Variants in ARID5A observed in about 807,000 individuals in gnomAD.
The protein encoded by ARID5A is AT-rich interactive domain-containing protein 5A.
A neutral mutation model predicts 30.5 loss-of-function variants in ARID5A; 14 were observed. That is an observed-to-expected ratio of 0.46 (90% CI 0.30 to 0.72). The LOEUF is 0.72. Among genes scored for constraint, ARID5A ranks in the 30% least tolerant of loss-of-function variants. The probability of loss-of-function intolerance (pLI) is 0.07; values close to 1 mark genes in which losing one functional copy is unlikely to be tolerated. For synonymous variants in ARID5A, 338 were observed against 340.4 expected (o/e 0.99, Z 0.08); for missense variants, 669 against 786.2 (o/e 0.85, Z 1.78).
Position 96,536,779 on chromosome 2 carries a change from C to T in ARID5A, c.-48C>T, listed in dbSNP as rs1573175437. 1.1e-5 allele frequency: 14 copies of T among 1,226,416 alleles called. No individual in the cohort carries two copies. The East Asian group carries it at 3.2e-4, about 28-fold the overall frequency. The allele number at this position is 1,226,416 out of a possible 1,614,324, so 76.0% of individuals were successfully genotyped here. A position where few individuals can be genotyped will look rare whatever the true frequency, so the allele number is the denominator to read the frequency against. On this transcript the variant is annotated 5_prime_UTR_variant, in exon 1 of 7. Transcript: ENST00000357485. Reference sequence around the variant, plus strand: ...CTCAGAGAGCGCGGGGTCCGGACAGCCGCGCGCTGAGGGTCTCGGGGCGGG... The same window carrying T: ...CTCAGAGAGCGCGGGGTCCGGACAGTCGCGCGCTGAGGGTCTCGGGGCGGG...
chr2:96,546,233 T>C (rs1321930352), intron 1 of ARID5A, among the ~76,000 whole-genome samples: 1 of 152,348 alleles, frequency 6.6e-6, no homozygotes, highest in Non-Finnish European at 1.5e-5. Flanking sequence ...GGAAATCTCA[T>C]AGGTTCCTAA....
chr2:96,545,197 C>T (rs1315298497), intron 1 of ARID5A, among the ~76,000 whole-genome samples: 1 of 145,324 alleles, frequency 6.9e-6, no homozygotes, highest in African/African-American at 2.6e-5. Flanking sequence ...TGTTCCATCG[C>T]CCAGACTGGA....
At chr2:96,541,303 TTTTG>T (rs762409946) in intron 1 of ARID5A, among the ~76,000 whole-genome samples, 138 of 152,220 alleles carry the variant, frequency 9.1e-4, no homozygotes, top group Non-Finnish European at 1.1e-3. Context: ...CCCAAAGTGT[TTTTG>T]TTTTTGTTTT....
chr2:96,549,990 C>T lies in ARID5A; in HGVS notation c.312+185C>T, dbSNP rs1356171502. 3 of 1,534,702 alleles carry T rather than the reference C, an allele frequency of 2.0e-6. No homozygotes were observed. Among genetic ancestry groups the T allele is most frequent in the Non-Finnish European group, 2.6e-6 (3 of 1,145,848 alleles). On this transcript the variant is annotated intron_variant, in intron 4 of 6. Transcript: ENST00000357485. This position sits in a 1 kb window ranked among gnomAD's most constrained non-coding sequence, Gnocchi z 6.1. ...AGCTTTTCAGCCTTCCCCATCTGTT[C>T]TGCCCGCCCCGTGTTGGGAAAACTG...
intron 2 of ARID5A, 136 bp downstream of exon 2, chr2:96,547,653 G>C (rs1019323969): frequency 4.1e-6 from 3 of 736,992 alleles, no homozygotes. Context: ...CTGCCCAGCA[G>C]CCAGGGGACT....
chr2:96,547,468 C>T lies in ARID5A; in HGVS notation c.71C>T (p.Pro24Leu), dbSNP rs745953809. The T allele has an allele frequency of 6.1e-5, 98 of 1,614,070 alleles. No homozygotes were observed. Among genetic ancestry groups the T allele is most frequent in the Non-Finnish European group, 8.2e-5 (97 of 1,180,014 alleles). The change falls in exon 2 of 7, where the codon CCC (proline) becomes CTC (leucine). Residue 24 changes from proline (P) to leucine (L), a missense_variant. By Grantham distance (98) the Pro-to-Leu change is moderately conservative (BLOSUM62 -3). Coordinates refer to ENST00000357485, the MANE Select transcript of ARID5A (RefSeq NM_212481.3). ...EGDALDPPAS[P>L]KPAGKQNGIQ... The stretch of plus-strand genomic sequence containing the variant: ...GACGCCCTAGACCCACCTGCATCCC[C>T]CAAACCTGCTGGCAAGCAGAACGGA...
At position 96,551,961 on chromosome 2, in the gene ARID5A, C is replaced by T. The variant is rs71427085; in HGVS notation, c.1433C>T (p.Pro478Leu). 6.6e-7 allele frequency: 1 copy of T among 1,521,262 alleles called. No homozygotes were observed. The highest frequency in any genetic ancestry group is 2.2e-5 in the Admixed American group (1 of 45,440). 94.2% of individuals were successfully genotyped at this position (1,521,262 alleles called of 1,614,324 possible). The change falls in exon 7 of 7, where the codon CCT (proline) becomes CTT (leucine). Residue 478 changes from proline (P) to leucine (L), a missense_variant. By Grantham distance (98) the Pro-to-Leu change is moderately conservative (BLOSUM62 -3). Coordinates refer to ENST00000357485, the MANE Select transcript of ARID5A (RefSeq NM_212481.3). ...EADAKKCGAK[P>L]AGSGLVSCLL... The stretch of plus-strand genomic sequence containing the variant: ...GATGCCAAGAAGTGTGGGGCCAAAC[C>T]TGCAGGGTCCGGCCTGGTCTCCTGC...
At position 96,550,458 on chromosome 2, in the gene ARID5A, G is replaced by T; in HGVS notation, c.411-116G>T. The T allele has an allele frequency of 6.9e-7, 1 of 1,450,786 alleles. No homozygotes were observed. Among genetic ancestry groups the T allele is most frequent in the South Asian group, 1.4e-5 (1 of 70,412 alleles). The allele number at this position is 1,450,786 out of a possible 1,614,324, so 89.9% of individuals were successfully genotyped here. A position where few individuals can be genotyped will look rare whatever the true frequency, so the allele number is the denominator to read the frequency against. The stretch of plus-strand genomic sequence containing the variant: ...CTCACTGAGGGAGCTGAAGCTTTGG[G>T]ACCAGGAGAGGGCCTTCCTCGGCGC... On this transcript the variant is annotated intron_variant, in intron 5 of 6. Transcript: ENST00000357485. This position sits in a 1 kb window ranked among gnomAD's most constrained non-coding sequence, Gnocchi z 6.6.
rs1382824234 is a variant in ARID5A at position 96,547,399 on chromosome 2, C to T, written c.5-3C>T. 6.2e-7 allele frequency: 1 copy of T among 1,613,288 alleles called. No homozygotes were observed. The highest frequency in any genetic ancestry group is 8.5e-7 in the Non-Finnish European group (1 of 1,179,452). ...TCCTTACTCCTTCCCTCTCTCCTTG[C>T]AGCAGCCCCTGTCAAAGGGAACAGG... On this transcript the variant is annotated splice_region_variant and splice_polypyrimidine_tract_variant and intron_variant, in intron 1 of 6. Coordinates refer to ENST00000357485, the MANE Select transcript of ARID5A (RefSeq NM_212481.3).
intron 1 of ARID5A, among the ~76,000 whole-genome samples, chr2:96,542,572 G>T (rs1195141401): frequency 6.6e-6 from 1 of 152,192 alleles, no homozygotes; most frequent in African/African-American, 2.4e-5. Context: ...TGCCCACTGG[G>T]ATGCCCTGGG....
chr2:96,551,279 A>G lies in ARID5A; in HGVS notation c.751A>G (p.Thr251Ala). ...RLLSSFYCKG[T>A]HGIMSPLAKK... ...CCTATCCAGCTTCTACTGCAAGGGG[A>G]CACACGGCATCATGTCACCACTGGC... Residue 251 changes from threonine (T) to alanine (A), a missense_variant, in exon 7 of 7, where the codon ACA (threonine) becomes GCA (alanine). Around this residue, in one of 4 missense-constraint regions of ARID5A, gnomAD observed 548 missense variants for 577.4 expected, o/e 0.95. Coordinates refer to ENST00000357485, the MANE Select transcript of ARID5A (RefSeq NM_212481.3). 1 of 1,613,874 alleles carries G rather than the reference A, an allele frequency of 6.2e-7. No homozygotes were observed. Among genetic ancestry groups the G allele is most frequent in the Non-Finnish European group, 8.5e-7 (1 of 1,180,000 alleles).
intron 1 of ARID5A, among the ~76,000 whole-genome samples, chr2:96,545,518 A>G (rs1249181927): frequency 2.6e-5 from 4 of 152,240 alleles, no homozygotes; most frequent in African/African-American, 7.2e-5. Context: ...CAAAATGACA[A>G]CAAAGGATTT....
At chr2:96,548,375 T>C (rs967377435) in intron 2 of ARID5A, among the ~76,000 whole-genome samples, 16 of 152,134 alleles carry the variant, frequency 1.1e-4, no homozygotes, top group Non-Finnish European at 1.5e-5. Context: ...AAATGATTCT[T>C]CTGCCTCAGC....
chr2:96,547,528 T>C lies in ARID5A; in HGVS notation c.120+11T>C, dbSNP rs1306277562. 6.2e-7 allele frequency: 1 copy of C among 1,612,390 alleles called. No individual in the cohort carries two copies. The highest frequency in any genetic ancestry group is 8.5e-7 in the Non-Finnish European group (1 of 1,178,870). On this transcript the variant is annotated intron_variant, in intron 2 of 6. Transcript: ENST00000357485. ...CCCATCTCGCTGGAGGTGAGTTGAC[T>C]CCCTCTGCTGACTCCCTGGGCACTC...
At position 96,550,420 on chromosome 2, in the gene ARID5A, C is replaced by A; in HGVS notation, c.410+135C>A. 3 of 1,431,580 alleles carry A rather than the reference C, an allele frequency of 2.1e-6. No homozygotes were observed. Among genetic ancestry groups the A allele is most frequent in the Non-Finnish European group, 2.7e-6 (3 of 1,093,656 alleles). 88.7% of individuals were successfully genotyped at this position (1,431,580 alleles called of 1,614,324 possible). ...GTCCTCAGAGCTGCGGGAGCCCAGG[C>A]TGGCTGGGCGCACTCACTGAGGGAG... On this transcript the variant is annotated intron_variant, in intron 5 of 6. Transcript: ENST00000357485. The surrounding 1 kb of genome is among the most constrained non-coding windows in gnomAD (Gnocchi z 6.6).
chr2:96,536,906 C>T (rs1287045214), intron 1 of ARID5A, 76 bp downstream of exon 1: 7 of 1,221,306 alleles, frequency 5.7e-6, no homozygotes, highest in Non-Finnish European at 6.1e-6. Flanking sequence ...GGCGCCGGGT[C>T]CCCTCCAGCC....
chr2:96,550,328 C>T lies in ARID5A; in HGVS notation c.410+43C>T. 5 of 1,425,198 alleles carry T rather than the reference C, an allele frequency of 3.5e-6. No individual in the cohort carries two copies. The highest frequency in any genetic ancestry group is 4.6e-6 in the Non-Finnish European group (5 of 1,097,354). 88.3% of individuals were successfully genotyped at this position (1,425,198 alleles called of 1,614,324 possible). Reference sequence around the variant, plus strand: ...CGGGTGCTGGACGCCGCCTACCCTGCGGGGCTTTGGCCGACCTTGCCGGGA... The same window carrying T: ...CGGGTGCTGGACGCCGCCTACCCTGTGGGGCTTTGGCCGACCTTGCCGGGA... On this transcript the variant is annotated intron_variant, in intron 5 of 6. Coordinates refer to ENST00000357485, the MANE Select transcript of ARID5A (RefSeq NM_212481.3). The surrounding 1 kb of genome is among the most constrained non-coding windows in gnomAD (Gnocchi z 6.6).
At chr2:96,543,342 C>T (rs764392537) in intron 1 of ARID5A, among the ~76,000 whole-genome samples, 11 of 152,142 alleles carry the variant, frequency 7.2e-5, no homozygotes, top group Non-Finnish European at 1.6e-4. Flanking sequence ...CTCTATCATG[C>T]TTTGCTTTAT....
chr2:96,549,229 C>A lies in ARID5A; in HGVS notation c.121-92C>A, dbSNP rs185033406. On this transcript the variant is annotated intron_variant, in intron 2 of 6. Coordinates refer to ENST00000357485, the MANE Select transcript of ARID5A (RefSeq NM_212481.3). This position sits in a 1 kb window ranked among gnomAD's most constrained non-coding sequence, Gnocchi z 6.1. ...TGGGAAACTGGGGTTGGGGTAGGTA[C>A]CTTATTCCTCCTGCAGCCAGTGGTT... 4.9e-5 allele frequency: 76 copies of A among 1,551,252 alleles called. No homozygotes were observed. In the East Asian group the frequency reaches 6.3e-4, roughly 13 times the overall value.
Sources: allele counts gnomAD v4.1 joint callset (sites outside exome capture counted in the v4.1 genomes callset), GRCh38; gene constraint gnomAD v4.1.1; regional missense constraint gnomAD v4.1.1; non-coding constraint Gnocchi (gnomAD v3.1); transcripts MANE v1.5; gene names NCBI Gene and HGNC (gene_info 2026-07-23, HGNC 2026-07-21).